TMEM132D: variants seen among roughly 807,000 people sequenced by gnomAD.
The protein encoded by TMEM132D is mature OL transmembrane protein.
A neutral mutation model predicts 62.3 loss-of-function variants in TMEM132D; 21 were observed. That is an observed-to-expected ratio of 0.34 (90% CI 0.24 to 0.49). TMEM132D has a LOEUF of 0.49. Among genes scored for constraint, TMEM132D ranks in the 20% least tolerant of loss-of-function variants. TMEM132D has a pLI of 0.99. For missense variants in TMEM132D, 1,346 were observed against 1,402.8 expected, an observed-to-expected ratio of 0.96 and a Z score of 0.65; for synonymous variants, 621 against 575.6, an observed-to-expected ratio of 1.08 and a Z score of -1.13.
chr12:129,524,342 T>TG (rs36029888), intron 3 of TMEM132D, among the ~76,000 whole-genome samples: 3 of 152,188 alleles, frequency 2.0e-5, no homozygotes, highest in Non-Finnish European at 2.9e-5. Flanking sequence ...AACACATTGC[T>TG]GGGGGGTTCT....
rs544538944 is a variant in TMEM132D at position 129,818,556 on chromosome 12, A to G, written c.79+84705T>C. On this transcript the variant is annotated intron_variant, in intron 1 of 8. Coordinates refer to ENST00000422113, the MANE Select transcript of TMEM132D (RefSeq NM_133448.3). Reference sequence around the variant, plus strand: ...TTTGGGTGCATATATGTGTGTGGTGAGGTGTATGTGTGTATGTGTATGTGT... The same window carrying G: ...TTTGGGTGCATATATGTGTGTGGTGGGGTGTATGTGTGTATGTGTATGTGT... 1.9e-4 allele frequency among the ~76,000 whole-genome samples: 26 copies of G among 133,502 alleles called. No homozygotes were observed. The East Asian group carries it at 6.1e-3, about 32-fold the overall frequency. The allele number at this position is 133,502 out of a possible 152,430, so 87.6% of individuals were successfully genotyped here.
intron 5 of TMEM132D, among the ~76,000 whole-genome samples, chr12:129,190,667 T>G (rs1322283179): frequency 6.6e-6 from 1 of 152,024 alleles, no homozygotes; most frequent in Non-Finnish European, 1.5e-5. Flanking sequence ...CAAGGAGAGA[T>G]ATTCCCCTAG....
At chr12:129,844,634 G>A (rs962922180) in intron 1 of TMEM132D, among the ~76,000 whole-genome samples, 6 of 152,120 alleles carry the variant, frequency 3.9e-5, no homozygotes, top group Admixed American at 6.5e-5. Context: ...TGAGAAGAAC[G>A]ATGCTGTGCT....
intron 1 of TMEM132D, among the ~76,000 whole-genome samples, chr12:129,819,319 C>A (rs1201378205): frequency 6.6e-6 from 1 of 152,110 alleles, no homozygotes; most frequent in East Asian, 1.9e-4. Context: ...GAATTGGCAT[C>A]TGGTTTCCCC....
At chr12:129,565,208 T>G (rs758644389) in intron 2 of TMEM132D, among the ~76,000 whole-genome samples, 2 of 152,090 alleles carry the variant, frequency 1.3e-5, no homozygotes, top group Non-Finnish European at 2.9e-5. Flanking sequence ...CCCACACAGG[T>G]GCATCAGCTG....
intron 3 of TMEM132D, among the ~76,000 whole-genome samples, chr12:129,521,046 T>G (rs770883738): frequency 3.2e-4 from 49 of 152,220 alleles, no homozygotes; most frequent in Non-Finnish European, 2.1e-4. Flanking sequence ...GAGGAGATAC[T>G]TTCTTATATT....
At chr12:129,802,286 G>C (rs1245212278) in intron 1 of TMEM132D, among the ~76,000 whole-genome samples, 1 of 79,572 alleles carries the variant, frequency 1.3e-5, no homozygotes, top group Admixed American at 1.5e-4. Flanking sequence ...GGCAGCCAGA[G>C]ACAAAGGTTG....
chr12:129,373,772 G>T (rs918872544), intron 3 of TMEM132D, among the ~76,000 whole-genome samples: 4 of 152,210 alleles, frequency 2.6e-5, no homozygotes, highest in African/African-American at 9.6e-5. Flanking sequence ...GCTAAGTCTG[G>T]AGAGAAAAGA....
chr12:129,819,492 C>T (rs141464266), intron 1 of TMEM132D, among the ~76,000 whole-genome samples: 112 of 152,324 alleles, frequency 7.4e-4, no homozygotes, highest in African/African-American at 1.7e-4. Flanking sequence ...CAACTCCACA[C>T]GCCCCAGGTT....
chr12:129,154,206 G>T (rs1043674272), intron 5 of TMEM132D, among the ~76,000 whole-genome samples: 1 of 152,186 alleles, frequency 6.6e-6, no homozygotes, highest in Non-Finnish European at 1.5e-5. Context: ...TGGGATGACA[G>T]CTCAGTGGGA....
chr12:129,419,189 C>T (rs942251540), intron 3 of TMEM132D, among the ~76,000 whole-genome samples: 1 of 152,146 alleles, frequency 6.6e-6, no homozygotes, highest in African/African-American at 2.4e-5. Context: ...GTCCCCAACT[C>T]CAAGCTACAC....
At chr12:129,614,350 G>A (rs1878860062) in intron 2 of TMEM132D, among the ~76,000 whole-genome samples, 1 of 152,226 alleles carries the variant, frequency 6.6e-6, no homozygotes, top group Non-Finnish European at 1.5e-5. Context: ...TGAGCTCAAG[G>A]CCAGAGGGAC....
intron 5 of TMEM132D, among the ~76,000 whole-genome samples, chr12:129,185,804 T>C (rs1021819227): frequency 7.2e-6 from 1 of 139,158 alleles, no homozygotes; most frequent in African/African-American, 2.5e-5. Context: ...TCTATCTATC[T>C]ATCTATCATC....
At chr12:129,296,999 T>C (rs866721261) in intron 4 of TMEM132D, among the ~76,000 whole-genome samples, 1 of 152,232 alleles carries the variant, frequency 6.6e-6, no homozygotes, top group Non-Finnish European at 1.5e-5. Flanking sequence ...AGTAGTTTGC[T>C]CTGCAGGGTG....
chr12:129,875,239 C>T (rs561973235), intron 1 of TMEM132D, among the ~76,000 whole-genome samples: 1 of 152,190 alleles, frequency 6.6e-6, no homozygotes, highest in Non-Finnish European at 1.5e-5. Flanking sequence ...GGCTTAGAAG[C>T]CACATTGTAT....
chr12:129,199,839 T>C (rs1878650173), intron 5 of TMEM132D, among the ~76,000 whole-genome samples: 1 of 152,100 alleles, frequency 6.6e-6, no homozygotes, highest in East Asian at 1.9e-4. Flanking sequence ...CACGTTTCAA[T>C]TACCTCCCAC....
In TMEM132D at chr12:129,311,146, C is replaced by T. The variant is rs1364915639; in HGVS notation, c.1299+26488G>A. 3.8e-5 allele frequency among the ~76,000 whole-genome samples: 3 copies of T among 78,314 alleles called. 1 individual carries two copies. The highest frequency in any genetic ancestry group is 1.3e-4 in the African/African-American group (2 of 14,922). The allele number at this position is 78,314 out of a possible 152,430, so 51.4% of individuals were successfully genotyped here. On this transcript the variant is annotated intron_variant, in intron 4 of 8. Coordinates refer to ENST00000422113, the MANE Select transcript of TMEM132D (RefSeq NM_133448.3). Reference sequence around the variant, plus strand: ...CCGGGAGGCGGAGCTTGCAGTGAGCCGAGATCGCGCCACTGCACTCCAGCC... The same window carrying T: ...CCGGGAGGCGGAGCTTGCAGTGAGCTGAGATCGCGCCACTGCACTCCAGCC...
intron 3 of TMEM132D, among the ~76,000 whole-genome samples, chr12:129,414,240 C>T (rs1872050211): frequency 6.6e-6 from 1 of 152,068 alleles, no homozygotes; most frequent in Admixed American, 6.5e-5. Context: ...TAAATTGAAA[C>T]CTTTATGAGA....
chr12:129,700,525 A>T lies in TMEM132D; in HGVS notation c.253T>A (p.Tyr85Asn), dbSNP rs777579349. ...AGGACAGGCAGCCTCCTGGATTTGT[A>T]AATCAGAAATGACTCCACCCGGGAC... ...LQSRVESFLI[Y>N]KSRRLPVLNA... is the part of the protein sequence containing the mutation. The change falls in exon 2 of 9, where the codon TAC becomes AAC. Residue 85 changes from tyrosine (Y) to asparagine (N), a missense_variant. Coordinates refer to ENST00000422113, the MANE Select transcript of TMEM132D (RefSeq NM_133448.3). The T allele has an allele frequency of 6.2e-7, 1 of 1,614,132 alleles. No individual in the cohort carries two copies. Among genetic ancestry groups the T allele is most frequent in the Non-Finnish European group, 8.5e-7 (1 of 1,180,026 alleles).
Sources: gnomAD v4.1 joint callset for allele counts (sites outside exome capture counted in the v4.1 genomes callset) on GRCh38, gnomAD v4.1.1 for gene constraint, MANE v1.5 for transcripts, NCBI Gene and HGNC (gene_info 2026-07-23, HGNC 2026-07-21) for gene names.